Variants in ADAM2 observed in about 807,000 individuals in gnomAD.
The protein encoded by ADAM2 is ADAM metallopeptidase domain 2.
ADAM2 carries 101 observed loss-of-function variants against 99.3 expected under a neutral mutation model. That is an observed-to-expected ratio of 1.02 (90% CI 0.87 to 1.20). ADAM2 has a LOEUF of 1.20. ADAM2 is among the 50% of genes most tolerant of loss of function. The pLI is 0.00. For missense variants in ADAM2, 948 were observed against 878.7 expected (o/e 1.08, Z -1.00); for synonymous variants, 323 against 287.6 (o/e 1.12, Z -1.25).
chr8:39,789,582 G>A (rs1248727508), intron 7 of ADAM2, among the ~76,000 whole-genome samples: 3 of 151,664 alleles, frequency 2.0e-5, no homozygotes, highest in Admixed American at 6.6e-5. Context: ...ATTTGTTACT[G>A]GCCTTTTATT....
chr8:39,787,466 A>C (rs1803513091), intron 9 of ADAM2, among the ~76,000 whole-genome samples: 2 of 151,462 alleles, frequency 1.3e-5, no homozygotes, highest in African/African-American at 4.8e-5. Flanking sequence ...ATGAAAAAGC[A>C]TGTCATATTT....
chr8:39,773,447 T>C (rs1028199268), intron 11 of ADAM2, among the ~76,000 whole-genome samples: 4 of 151,696 alleles, frequency 2.6e-5, no homozygotes, highest in Admixed American at 6.6e-5. Flanking sequence ...AGATAGGCCA[T>C]GGGAAAGAGT....
intron 7 of ADAM2, among the ~76,000 whole-genome samples, chr8:39,790,741 GT>G (rs1254025302): frequency 3.3e-5 from 5 of 151,926 alleles, no homozygotes; most frequent in Admixed American, 2.0e-4. Context: ...AAAAGAAGCA[GT>G]TAGAACTTCC....
At chr8:39,814,669 T>C (rs1362563689) in intron 6 of ADAM2, among the ~76,000 whole-genome samples, 2 of 152,040 alleles carry the variant, frequency 1.3e-5, no homozygotes, top group Non-Finnish European at 2.9e-5. Flanking sequence ...CATCAATAAA[T>C]AGACAGATAG....
chr8:39,769,682 T>C, intron 11 of ADAM2, 107 bp from the exon 12 acceptor site: 1 of 659,280 alleles, frequency 1.5e-6, no homozygotes, highest in Non-Finnish European at 2.6e-6. Context: ...AATTCCCAAG[T>C]CTGTGAGTGT....
intron 3 of ADAM2, among the ~76,000 whole-genome samples, chr8:39,831,714 A>C (rs1161074608): frequency 1.3e-5 from 2 of 152,196 alleles, no homozygotes; most frequent in African/African-American, 4.8e-5. Context: ...TTAGACATAC[A>C]TAAAGAGTAA....
intron 15 of ADAM2, among the ~76,000 whole-genome samples, chr8:39,759,348 A>T (rs1003511515): frequency 1.3e-5 from 2 of 151,910 alleles, no homozygotes; most frequent in African/African-American, 4.8e-5. Flanking sequence ...CGATAGTATT[A>T]AAAAAAACTA....
At chr8:39,794,454 C>T (rs1272143877) in intron 7 of ADAM2, among the ~76,000 whole-genome samples, 1 of 152,054 alleles carries the variant, frequency 6.6e-6, no homozygotes, top group Non-Finnish European at 1.5e-5. Context: ...GACCACCCCT[C>T]ATATAGTCCT....
chr8:39,834,634 C>T (rs1011012711), intron 2 of ADAM2, among the ~76,000 whole-genome samples: 12 of 145,340 alleles, frequency 8.3e-5, no homozygotes, highest in Non-Finnish European at 1.0e-4. Context: ...CTGGGGAGGC[C>T]GAGACAGGAG....
At chr8:39,775,734 T>C (rs1442716619) in intron 11 of ADAM2, among the ~76,000 whole-genome samples, 1 of 152,138 alleles carries the variant, frequency 6.6e-6, no homozygotes, top group Non-Finnish European at 1.5e-5. Flanking sequence ...CATGAAGATC[T>C]GGGATCCCTA....
At chr8:39,749,185 A>G in intron 18 of ADAM2, 127 bp downstream of exon 18, 1 of 792,984 alleles carries the variant, frequency 1.3e-6, no homozygotes, top group South Asian at 2.0e-5. Context: ...ACACATACAC[A>G]TTCATGTGCA....
intron 3 of ADAM2, 147 bp downstream of exon 3, chr8:39,833,797 T>G: frequency 1.6e-6 from 1 of 611,002 alleles, no homozygotes; most frequent in South Asian, 2.0e-5. Context: ...ATGTATCATA[T>G]ATAGGCTTAA....
At chr8:39,784,057 A>T (rs2129585071) in intron 10 of ADAM2, among the ~76,000 whole-genome samples, 1 of 152,320 alleles carries the variant, frequency 6.6e-6, no homozygotes, top group Middle Eastern at 3.4e-3. Flanking sequence ...TTTAGGAAGG[A>T]GCAGCATTGG....
intron 3 of ADAM2, among the ~76,000 whole-genome samples, chr8:39,831,972 C>T (rs1310525449): frequency 6.6e-6 from 1 of 152,082 alleles, no homozygotes; most frequent in Non-Finnish European, 1.5e-5. Flanking sequence ...GATGTTAATT[C>T]TCAAATTGAA....
At chr8:39,808,744 C>A (rs989065627) in intron 7 of ADAM2, among the ~76,000 whole-genome samples, 3 of 151,996 alleles carry the variant, frequency 2.0e-5, no homozygotes, top group African/African-American at 7.3e-5. Context: ...GGTGAAACCC[C>A]GTCTCTACTA....
rs201432878 is a variant in ADAM2, at chr8:39,824,937, C to A, written c.189-40G>T. ...TAAAATGGAAAAATTTGATTCTTAA[C>A]CTTTTGTTTTGAAACATTTATTTTA... On this transcript the variant is annotated intron_variant, in intron 3 of 20. Coordinates refer to ENST00000265708, the MANE Select transcript of ADAM2 (RefSeq NM_001464.5). 559 of 924,362 alleles carry A rather than the reference C, an allele frequency of 6.0e-4. 1 individual carries two copies. Among genetic ancestry groups the A allele is most frequent in the Non-Finnish European group, 8.8e-4 (507 of 577,142 alleles). 57.3% of individuals were successfully genotyped at this position (924,362 alleles called of 1,614,324 possible). A position where few individuals can be genotyped will look rare whatever the true frequency, so the allele number is the denominator to read the frequency against.
At chr8:39,811,544 C>A (rs992803343) in intron 6 of ADAM2, among the ~76,000 whole-genome samples, 2 of 152,170 alleles carry the variant, frequency 1.3e-5, no homozygotes, top group African/African-American at 2.4e-5. Flanking sequence ...TACTGGCAAA[C>A]CGAATCCAGC....
At chr8:39,760,603 C>T (rs974712450) in intron 15 of ADAM2, among the ~76,000 whole-genome samples, 3 of 151,926 alleles carry the variant, frequency 2.0e-5, no homozygotes, top group African/African-American at 7.3e-5. Context: ...CGCCTGCAGT[C>T]GCAGCTACTC....
At chr8:39,757,983 G>A (rs1383584514) in intron 15 of ADAM2, among the ~76,000 whole-genome samples, 2 of 152,014 alleles carry the variant, frequency 1.3e-5, no homozygotes, top group African/African-American at 4.8e-5. Flanking sequence ...ATAATAGCTA[G>A]AATTTTCTTT....
Sources: allele counts gnomAD v4.1 joint callset (sites outside exome capture counted in the v4.1 genomes callset), GRCh38; gene constraint gnomAD v4.1.1; transcripts MANE v1.5; gene names NCBI Gene and HGNC (gene_info 2026-07-23, HGNC 2026-07-21).